RFK: variants seen among roughly 807,000 people sequenced by gnomAD.
RFK encodes 0610038L10Rik.
Under a neutral mutation model 17.6 loss-of-function variants are expected in RFK, and 4 were observed. The ratio of observed to expected loss-of-function variants is 0.23; its 90% CI spans 0.11 to 0.52. The LOEUF (loss-of-function observed/expected upper bound fraction) is 0.52. Among genes scored for constraint, RFK ranks in the 20% least tolerant of loss-of-function variants. The pLI is 0.96. For missense variants in RFK, 189 were observed against 187.7 expected (o/e 1.01, Z -0.04); for synonymous variants, 59 against 63.8 (o/e 0.92, Z 0.36).
chr9:76,392,895 T>C (rs2251604), intron 1 of RFK, among the ~76,000 whole-genome samples: 89,629 of 152,066 alleles, frequency 0.59, 27,424 homozygotes, highest in Non-Finnish European at 0.66. Flanking sequence ...CAGAGCCAGA[T>C]TCTGTCTCAA....
intron 1 of RFK, among the ~76,000 whole-genome samples, chr9:76,393,105 CAT>C (rs1379434688): frequency 6.6e-6 from 1 of 152,078 alleles, no homozygotes; most frequent in Admixed American, 6.5e-5. Flanking sequence ...CAAAAAAATC[CAT>C]ACTCTTTGAG....
chr9:76,387,654 A>T (rs921474247), intron 3 of RFK, 125 bp from the exon 4 acceptor site: 7 of 842,742 alleles, frequency 8.3e-6, no homozygotes, highest in Middle Eastern at 3.6e-4. Flanking sequence ...TAGATACCCA[A>T]TAAATGTTTG....
intron 2 of RFK, among the ~76,000 whole-genome samples, 169 bp from the exon 3 acceptor site, chr9:76,388,825 C>T (rs1822777522): frequency 6.6e-6 from 1 of 152,180 alleles, no homozygotes; most frequent in African/African-American, 2.4e-5. Context: ...ATTTTCCCAG[C>T]ACTCCTGTTT....
rs374353965 is a variant in RFK, at chr9:76,392,491, C to T, written c.161G>A (p.Gly54Glu). The T allele has an allele frequency of 2.5e-6, 4 of 1,614,160 alleles. No individual in the cohort carries two copies. The highest frequency in any genetic ancestry group is 2.5e-6 in the Non-Finnish European group (3 of 1,179,986). The change falls in exon 2 of 4, where the codon GGA becomes GAA. Residue 54 changes from glycine to glutamate, a missense_variant. This residue lies in a region of RFK where 90 missense variants were observed against 75.4 expected (regional missense o/e 1.19). Coordinates refer to ENST00000376736, the MANE Select transcript of RFK (RefSeq NM_018339.6). Reference protein sequence around the residue: ...TGIYYGWASVGSGDVHKMVVS... With the variant: ...TGIYYGWASVESGDVHKMVVS... The stretch of plus-strand genomic sequence containing the variant: ...CACCATCTTATGGACATCTCCACTT[C>T]CAACACTGGCCCAACCATAGTAAAT...
At chr9:76,391,931 A>AT (rs1822824549) in intron 2 of RFK, among the ~76,000 whole-genome samples, 1 of 117,878 alleles carries the variant, frequency 8.5e-6, no homozygotes, top group African/African-American at 2.8e-5. Context: ...GTGAGACCCC[A>AT]TCTTTAAAAA....
chr9:76,391,876 A>G (rs907121689), intron 2 of RFK, among the ~76,000 whole-genome samples: 1 of 152,058 alleles, frequency 6.6e-6, no homozygotes, highest in Non-Finnish European at 1.5e-5. Flanking sequence ...AGTGTGCTAC[A>G]ACCTGGCCTG....
chr9:76,387,759 G>T (rs767513181), intron 3 of RFK: 2 of 367,490 alleles, frequency 5.4e-6, no homozygotes. Context: ...CAGCACTTTG[G>T]GAAGCTGAGG....
chr9:76,393,801 T>C, intron 1 of RFK: 3 of 477,902 alleles, frequency 6.3e-6, no homozygotes, highest in Middle Eastern at 1.1e-3. Context: ...CAACTGTACC[T>C]TGGCTGGCCA....
At position 76,387,628 on chromosome 9, in the gene RFK, G is replaced by T. The variant is rs766081952; in HGVS notation, c.338-99C>A. ...AATCCTAAAAACTCACAGGCTGGCA[G>T]TATCTCTGCACAGGGTAGATACCCA... On this transcript the variant is annotated intron_variant, in intron 3 of 3. Coordinates refer to ENST00000376736, the MANE Select transcript of RFK (RefSeq NM_018339.6). The T allele has an allele frequency of 5.7e-5, 65 of 1,150,126 alleles. No individual in the cohort carries two copies. The Middle Eastern group carries it at 2.2e-3, about 39-fold the overall frequency. The allele number at this position is 1,150,126 out of a possible 1,614,324, so 71.2% of individuals were successfully genotyped here.
intron 1 of RFK, 68 bp downstream of exon 1, chr9:76,394,022 C>G (rs531460894): frequency 1.1e-4 from 167 of 1,467,156 alleles, no homozygotes; most frequent in Admixed American, 7.7e-4. Flanking sequence ...GTCCCAAGTC[C>G]CCGGCTGCCG....
chr9:76,385,677 G>T lies in RFK; in HGVS notation c.*1722C>A, dbSNP rs1822720269. ...ACAACACACTATCTGATTCTCAAAAGCAATGGCTATTTAACAAGATGTAAA... is the reference window on the plus strand; with the variant it reads ...ACAACACACTATCTGATTCTCAAAATCAATGGCTATTTAACAAGATGTAAA... On this transcript the variant is annotated 3_prime_UTR_variant, in exon 4 of 4. Transcript: ENST00000376736. The T allele has an allele frequency of 2.6e-5, 4 of 152,132 alleles. No homozygotes were observed. Among genetic ancestry groups the T allele is most frequent in the Non-Finnish European group, 1.5e-5 (1 of 68,014 alleles). 9.4% of individuals were successfully genotyped at this position (152,132 alleles called of 1,614,324 possible). A position where few individuals can be genotyped will look rare whatever the true frequency, so the allele number is the denominator to read the frequency against.
rs991686342 is a variant in RFK, at chr9:76,386,932, G to A, written c.*467C>T. ...GCCCAGGCTGGTCTTGAACTCATGA[G>A]CTCAAGCAATCCTCCCACCTCGGCC... On this transcript the variant is annotated 3_prime_UTR_variant, in exon 4 of 4. Transcript: ENST00000376736. 2 of 152,514 alleles carry A rather than the reference G, an allele frequency of 1.3e-5. No individual in the cohort carries two copies. Among genetic ancestry groups the A allele is most frequent in the African/African-American group, 4.8e-5 (2 of 41,380 alleles). 9.4% of individuals were successfully genotyped at this position (152,514 alleles called of 1,614,324 possible). A position where few individuals can be genotyped will look rare whatever the true frequency, so the allele number is the denominator to read the frequency against.
Position 76,392,536 on chromosome 9 carries a change from G to A in RFK, c.116C>T (p.Pro39Leu). The part of the protein sequence containing the change: ...NFPEQVVDNL[P>L]ADISTGIYYG... Reference sequence around the variant, plus strand: ...GTAAATACCAGTGGATATATCAGCTGGAAGATTATCTACCACTTGCTCAGG... The same window carrying A: ...GTAAATACCAGTGGATATATCAGCTAGAAGATTATCTACCACTTGCTCAGG... The change falls in exon 2 of 4, where the codon CCA (proline) becomes CTA (leucine). Residue 39 changes from proline to leucine, a missense_variant. By Grantham distance (98) the Pro-to-Leu change is moderately conservative (BLOSUM62 -3). Coordinates refer to ENST00000376736, the MANE Select transcript of RFK (RefSeq NM_018339.6). 1.9e-6 allele frequency: 3 copies of A among 1,614,110 alleles called. No homozygotes were observed. The highest frequency in any genetic ancestry group is 2.5e-6 in the Non-Finnish European group (3 of 1,179,984).
chr9:76,394,033 T>A, intron 1 of RFK, 57 bp downstream of exon 1: 1 of 1,512,584 alleles, frequency 6.6e-7, no homozygotes, highest in Non-Finnish European at 8.9e-7. Flanking sequence ...CCGGCTGCCG[T>A]CTCTCCCCGC....
chr9:76,392,678 A>C (rs1822833398), intron 1 of RFK, 109 bp from the exon 2 acceptor site: 5 of 1,059,798 alleles, frequency 4.7e-6, no homozygotes, highest in Non-Finnish European at 6.9e-6. Flanking sequence ...AGGCCAAGGC[A>C]GGAGGCTCAT....
chr9:76,392,512 T>C lies in RFK; in HGVS notation c.140A>G (p.Tyr47Cys), dbSNP rs780879395. 9 of 1,614,018 alleles carry C rather than the reference T, an allele frequency of 5.6e-6. No individual in the cohort carries two copies. The East Asian group carries it at 8.9e-5, about 16-fold the overall frequency. Residue 47 changes from tyrosine to cysteine, a missense_variant, in exon 2 of 4, where the codon TAC becomes TGC. Physicochemically the swap from Tyr to Cys is radical, Grantham distance 194 (BLOSUM62 -2). Transcript: ENST00000376736. ...NLPADISTGI[Y>C]YGWASVGSGD... is the part of the protein sequence containing the mutation. ...ACTTCCAACACTGGCCCAACCATAGTAAATACCAGTGGATATATCAGCTGG... is the reference window on the plus strand; with the variant it reads ...ACTTCCAACACTGGCCCAACCATAGCAAATACCAGTGGATATATCAGCTGG...
At chr9:76,391,216 G>A (rs1477256994) in intron 2 of RFK, among the ~76,000 whole-genome samples, 1 of 152,118 alleles carries the variant, frequency 6.6e-6, no homozygotes, top group Non-Finnish European at 1.5e-5. Flanking sequence ...TATTGCTTAC[G>A]CCAGCATTTA....
At chr9:76,394,006 G>C in intron 1 of RFK, 84 bp downstream of exon 1, 1 of 1,337,730 alleles carries the variant, frequency 7.5e-7, no homozygotes, top group Non-Finnish European at 1.0e-6. Flanking sequence ...GAGGCCCCAC[G>C]CCCCGGTCCC....
Position 76,394,344 on chromosome 9 carries a change from G to A in RFK, c.-173C>T. ...CGACCACAGGCCACTGCGAATCCCT[G>A]ACGCCGCCGACCCAACAAATACCGC... On this transcript the variant is annotated 5_prime_UTR_variant, in exon 1 of 4. Coordinates refer to ENST00000376736, the MANE Select transcript of RFK (RefSeq NM_018339.6). 1 of 549,994 alleles carries A rather than the reference G, an allele frequency of 1.8e-6. No homozygotes were observed. Among genetic ancestry groups the A allele is most frequent in the Non-Finnish European group, 3.1e-6 (1 of 325,944 alleles). 34.1% of individuals were successfully genotyped at this position (549,994 alleles called of 1,614,324 possible). A position where few individuals can be genotyped will look rare whatever the true frequency, so the allele number is the denominator to read the frequency against.
Sources: allele counts gnomAD v4.1 joint callset (sites outside exome capture counted in the v4.1 genomes callset), GRCh38; gene constraint gnomAD v4.1.1; regional missense constraint gnomAD v4.1.1; transcripts MANE v1.5; gene names NCBI Gene and HGNC (gene_info 2026-07-23, HGNC 2026-07-21).